The following MAOA variants were observed in gnomAD, a reference collection of about 807,000 sequenced individuals.
MAOA encodes amine oxidase [flavin-containing] A.
A neutral mutation model predicts 42.0 loss-of-function variants in MAOA; 6 were observed. The observed-to-expected ratio is 0.14, with a 90% confidence interval of 0.08 to 0.28. The LOEUF (loss-of-function observed/expected upper bound fraction) is 0.28, where lower values mean the gene tolerates loss of function less well. MAOA is among the 10% of genes least tolerant of loss of function. The probability of loss-of-function intolerance (pLI) is 1.00; values close to 1 mark genes in which losing one functional copy is unlikely to be tolerated. For synonymous variants in MAOA, 140 were observed against 154.0 expected (o/e 0.91, Z 0.67); for missense variants, 262 against 422.3 (o/e 0.62, Z 3.33).
At chrX:43,739,058 G>T (rs933132334) in intron 10 of MAOA, among the ~76,000 whole-genome samples, 1 of 111,225 alleles carries the variant, frequency 9.0e-6, no homozygotes, top group Admixed American at 9.6e-5. Flanking sequence ...ACTCAGAAGG[G>T]TAATAGCCTT....
chrX:43,730,015 GA>G (rs2033867745), intron 6 of MAOA, among the ~76,000 whole-genome samples: 1 of 109,102 alleles, frequency 9.2e-6, no homozygotes, highest in African/African-American at 3.3e-5. Context: ...CTAACATGAT[GA>G]AACCCCATTT....
chrX:43,740,331 A>G (rs2033950240), intron 10 of MAOA, among the ~76,000 whole-genome samples: 1 of 112,451 alleles, frequency 8.9e-6, no homozygotes, highest in Non-Finnish European at 1.9e-5. Flanking sequence ...CAGAAAAGTT[A>G]TATAGAATCA....
rs758834171 is a variant in MAOA at position 43,679,982 on chromosome X, C to T, written c.74-3531C>T. 9.8e-5 allele frequency among the ~76,000 whole-genome samples: 11 copies of T among 111,898 alleles called. No individual in the cohort carries two copies. In the South Asian group the frequency reaches 3.7e-3, roughly 38 times the overall value. ...TGGCTGTGTTCCAGAAAACATATTG[C>T]GCCAAGACTGGCAGACATTGGTTTG... On this transcript the variant is annotated intron_variant, in intron 1 of 14. Coordinates refer to ENST00000338702, the MANE Select transcript of MAOA (RefSeq NM_000240.4).
chrX:43,672,044 G>A (rs1157424039), intron 1 of MAOA, among the ~76,000 whole-genome samples: 1 of 111,350 alleles, frequency 9.0e-6, no homozygotes, highest in Non-Finnish European at 1.9e-5. Flanking sequence ...AGTATGGCCG[G>A]TTTCACAATA....
At chrX:43,656,728 A>G (rs1043026265) in intron 1 of MAOA, among the ~76,000 whole-genome samples, 3 of 111,267 alleles carry the variant, frequency 2.7e-5, no homozygotes, top group African/African-American at 9.8e-5. Context: ...TGAGGTGGGA[A>G]CTAAATTCAT....
At chrX:43,678,391 G>A (rs2033417682) in intron 1 of MAOA, among the ~76,000 whole-genome samples, 1 of 112,018 alleles carries the variant, frequency 8.9e-6, no homozygotes, top group South Asian at 3.7e-4. Flanking sequence ...GATTTAAGAT[G>A]AGATTTTTCT....
At chrX:43,690,745 CT>C (rs35235270) in intron 2 of MAOA, among the ~76,000 whole-genome samples, 26 of 109,111 alleles carry the variant, frequency 2.4e-4, no homozygotes, top group African/African-American at 6.0e-4. Context: ...TAAAGATAAG[CT>C]TTTTTTTTCC....
intron 1 of MAOA, among the ~76,000 whole-genome samples, chrX:43,669,939 C>T (rs2033315018): frequency 2.7e-5 from 3 of 111,644 alleles, no homozygotes; most frequent in African/African-American, 9.8e-5. Flanking sequence ...AATACATGAT[C>T]AACAATACCA....
At chrX:43,679,031 A>G (rs1187399483) in intron 1 of MAOA, among the ~76,000 whole-genome samples, 1 of 111,363 alleles carries the variant, frequency 9.0e-6, no homozygotes, top group African/African-American at 3.3e-5. Flanking sequence ...TTAAACCTTA[A>G]CCCTTCAAAT....
intron 3 of MAOA, among the ~76,000 whole-genome samples, chrX:43,708,515 A>G (rs1406215618): frequency 9.0e-6 from 1 of 111,469 alleles, no homozygotes; most frequent in Non-Finnish European, 1.9e-5. Flanking sequence ...AGTGTTCCCC[A>G]CATATGTGCA....
At chrX:43,668,078 GACA>G (rs754529070) in intron 1 of MAOA, among the ~76,000 whole-genome samples, 1 of 112,063 alleles carries the variant, frequency 8.9e-6, no homozygotes, top group Admixed American at 9.5e-5. Flanking sequence ...GATAGCTAAT[GACA>G]ACAAGGTTGA....
At chrX:43,660,075 T>C (rs751908402) in intron 1 of MAOA, among the ~76,000 whole-genome samples, 1 of 111,712 alleles carries the variant, frequency 9.0e-6, no homozygotes, top group Non-Finnish European at 1.9e-5. Context: ...TCCTTCCTCC[T>C]GCCCCACACC....
At chrX:43,689,622 G>A (rs2033516987) in intron 2 of MAOA, among the ~76,000 whole-genome samples, 1 of 111,949 alleles carries the variant, frequency 8.9e-6, no homozygotes, top group South Asian at 3.7e-4. Flanking sequence ...AACTATAAAA[G>A]TATTTCAAGT....
chrX:43,693,560 C>CT, intron 3 of MAOA, 132 bp downstream of exon 3: 5 of 693,237 alleles, frequency 7.2e-6, no homozygotes. Context: ...TAGTATTTGC[C>CT]TTTCTTTTCT....
At chrX:43,684,874 C>CTTTTTTT (rs201207592) in intron 2 of MAOA, among the ~76,000 whole-genome samples, 4 of 59,637 alleles carry the variant, frequency 6.7e-5, no homozygotes, top group East Asian at 5.0e-4. Context: ...CTTTTCTTTT[C>CTTTTTTT]TTTTTTTTTT....
intron 3 of MAOA, among the ~76,000 whole-genome samples, chrX:43,693,743 A>G (rs773832184): frequency 3.7e-5 from 4 of 108,463 alleles, no homozygotes; most frequent in Admixed American, 2.0e-4. Flanking sequence ...TTTGAAGGCC[A>G]CAGGGGTGGG....
chrX:43,738,776 G>A (rs1049433853), intron 10 of MAOA, among the ~76,000 whole-genome samples: 3 of 111,958 alleles, frequency 2.7e-5, no homozygotes, highest in African/African-American at 9.7e-5. Flanking sequence ...AGCCATAATC[G>A]TGCCACTGCA....
intron 3 of MAOA, among the ~76,000 whole-genome samples, chrX:43,706,250 A>G (rs915137465): frequency 8.9e-6 from 1 of 112,335 alleles, no homozygotes; most frequent in African/African-American, 3.2e-5. Flanking sequence ...AAAGCTGTTA[A>G]ATAGCTATTT....
At chrX:43,702,059 ACG>A in intron 3 of MAOA, among the ~76,000 whole-genome samples, 1 of 111,878 alleles carries the variant, frequency 8.9e-6, no homozygotes, top group South Asian at 3.8e-4. Context: ...ACAGCCTCTA[ACG>A]TCCAATGAAT....
Sources: gnomAD v4.1 joint callset for allele counts (sites outside exome capture counted in the v4.1 genomes callset) on GRCh38, gnomAD v4.1.1 for gene constraint, MANE v1.5 for transcripts, NCBI Gene and HGNC (gene_info 2026-07-23, HGNC 2026-07-21) for gene names.